LTBP1: variants seen among roughly 807,000 people sequenced by gnomAD.
The protein encoded by LTBP1 is latent transforming growth factor beta binding protein 1.
LTBP1 carries 129 observed loss-of-function variants against 207.6 expected under a neutral mutation model. That is an observed-to-expected ratio of 0.62 (90% CI 0.54 to 0.72). The LOEUF is 0.72. Among genes scored for constraint, LTBP1 ranks in the 30% least tolerant of loss-of-function variants. The pLI, the probability that LTBP1 is intolerant of heterozygous loss-of-function variation, is 0.00. For missense variants in LTBP1, 2,281 were observed against 2,217.2 expected (o/e 1.03, Z -0.58); for synonymous variants, 963 against 833.7 (o/e 1.16, Z -2.67).
At chr2:33,392,329 G>A (rs973844003) in intron 32 of LTBP1, among the ~76,000 whole-genome samples, 1 of 151,970 alleles carries the variant, frequency 6.6e-6, no homozygotes, top group African/African-American at 2.4e-5. Context: ...TGGGATTATA[G>A]GCATGCACCA....
At chr2:32,988,366 G>T (rs949398678) in intron 2 of LTBP1, among the ~76,000 whole-genome samples, 5 of 152,096 alleles carry the variant, frequency 3.3e-5, no homozygotes, top group African/African-American at 7.2e-5. Context: ...TTAAACTCTG[G>T]GGAGTCAGGT....
intron 7 of LTBP1, among the ~76,000 whole-genome samples, chr2:33,197,202 A>T (rs189612042): frequency 1.7e-4 from 26 of 152,360 alleles, no homozygotes; most frequent in African/African-American, 6.0e-4. Context: ...AATTGATCTC[A>T]TAGAACTATA....
intron 3 of LTBP1, among the ~76,000 whole-genome samples, chr2:33,044,106 A>C (rs764333114): frequency 6.6e-6 from 1 of 150,440 alleles, no homozygotes; most frequent in African/African-American, 2.4e-5. Context: ...TTTATGAAAT[A>C]GAGTTGTTAA....
In LTBP1 at chr2:33,015,926, G is replaced by A. The variant is rs72869625; in HGVS notation, c.566-4983G>A. Among the ~76,000 whole-genome samples, 1,348 of 152,190 alleles carry A rather than the reference G, an allele frequency of 8.9e-3. 26 individuals are homozygous for A. Among genetic ancestry groups the A allele is most frequent in the African/African-American group, 0.031 (1,272 of 41,514 alleles). ...CCCACTCACTCACTATTGCAAGAAC[G>A]GCATGGATGGGATGGTGCTAACCCA... is the stretch of plus-strand genomic sequence containing the variant. On this transcript the variant is annotated intron_variant, in intron 2 of 33. Transcript: ENST00000404816.
chr2:33,138,222 A>G (rs1018391693), intron 5 of LTBP1, among the ~76,000 whole-genome samples: 1 of 152,174 alleles, frequency 6.6e-6, no homozygotes, highest in Non-Finnish European at 1.5e-5. Context: ...TCGCATGACT[A>G]TTGAGCATGC....
chr2:33,031,040 T>C (rs1025384167), intron 3 of LTBP1, among the ~76,000 whole-genome samples: 1 of 152,218 alleles, frequency 6.6e-6, no homozygotes, highest in Non-Finnish European at 1.5e-5. Flanking sequence ...TTATCAAATA[T>C]TTAAGAATTC....
rs117653439 is a variant in LTBP1 at position 33,105,921 on chromosome 2, C to T, written c.864-4661C>T. On this transcript the variant is annotated intron_variant, in intron 3 of 33. Transcript: ENST00000404816. Reference sequence around the variant, plus strand: ...TGCAGTGCTGTTTGATAGCATTTTACGCACAATAGAACTGCTTCCAAAATG... The same window carrying T: ...TGCAGTGCTGTTTGATAGCATTTTATGCACAATAGAACTGCTTCCAAAATG... Among the ~76,000 whole-genome samples the T allele has an allele frequency of 1.0e-3, 158 of 152,296 alleles. 3 individuals carry two copies. In the East Asian group the frequency reaches 0.028, roughly 27 times the overall value.
chr2:33,385,194 A>G (rs968412138), intron 31 of LTBP1, among the ~76,000 whole-genome samples: 3 of 152,188 alleles, frequency 2.0e-5, no homozygotes, highest in Non-Finnish European at 2.9e-5. Context: ...GCCTTGTTTG[A>G]GAGGAAGTCT....
chr2:32,982,501 A>G (rs746320995), intron 2 of LTBP1, among the ~76,000 whole-genome samples: 6 of 152,182 alleles, frequency 3.9e-5, no homozygotes, highest in Non-Finnish European at 8.8e-5. Context: ...AAGACAGTTA[A>G]TCACCAAGTT....
chr2:33,335,464 A>G (rs982155655), intron 24 of LTBP1, among the ~76,000 whole-genome samples: 2 of 152,100 alleles, frequency 1.3e-5, no homozygotes, highest in Non-Finnish European at 1.5e-5. Context: ...TATGGGCTAT[A>G]TTCCCCAGCC....
intron 31 of LTBP1, among the ~76,000 whole-genome samples, chr2:33,384,385 G>A (rs1323120726): frequency 6.6e-6 from 1 of 152,110 alleles, no homozygotes; most frequent in Non-Finnish European, 1.5e-5. Context: ...TGGGGCATGG[G>A]GAATGCAGTG....
intron 2 of LTBP1, among the ~76,000 whole-genome samples, chr2:32,953,674 C>T (rs1677569833): frequency 6.6e-6 from 1 of 152,196 alleles, no homozygotes. Flanking sequence ...CGCCCCCTGC[C>T]TGCTCTGCTT....
chr2:32,979,606 C>A (rs1338563847), intron 2 of LTBP1, among the ~76,000 whole-genome samples: 1 of 152,040 alleles, frequency 6.6e-6, no homozygotes, highest in African/African-American at 2.4e-5. Context: ...AGATACGGTT[C>A]ATCCTTGAGA....
chr2:33,295,540 GATA>G lies in LTBP1; in HGVS notation c.3235+2278_3235+2280del, dbSNP rs552076117. On this transcript the variant is annotated intron_variant, in intron 20 of 33. Transcript: ENST00000404816. ...AGACTCAAAATAGAGTCTCAATGATGATAATAATAATAATAATAATAAATATGT... is the reference window on the plus strand; with the variant it reads ...AGACTCAAAATAGAGTCTCAATGATGATAATAATAATAATAATAAATATGT... Among the ~76,000 whole-genome samples the G allele has an allele frequency of 8.9e-4, 134 of 151,352 alleles. 2 individuals are homozygous for G. Among genetic ancestry groups the G allele is most frequent in the South Asian group, 3.6e-3 (17 of 4,760 alleles).
chr2:33,313,896 A>G (rs2094223426), intron 23 of LTBP1, among the ~76,000 whole-genome samples: 1 of 152,192 alleles, frequency 6.6e-6, no homozygotes, highest in South Asian at 2.1e-4. Flanking sequence ...AGGCAGTTGC[A>G]TGTATCAGAA....
intron 3 of LTBP1, among the ~76,000 whole-genome samples, chr2:33,037,445 T>A (rs967623583): frequency 6.6e-6 from 1 of 152,240 alleles, no homozygotes; most frequent in African/African-American, 2.4e-5. Context: ...GTGTTATTTA[T>A]TTTTTAATCT....
chr2:33,083,625 G>A (rs1195529975), intron 3 of LTBP1, among the ~76,000 whole-genome samples: 8 of 152,148 alleles, frequency 5.3e-5, no homozygotes, highest in Non-Finnish European at 1.0e-4. Flanking sequence ...TTAACTTAGA[G>A]AACAATGGTT....
intron 3 of LTBP1, among the ~76,000 whole-genome samples, chr2:33,098,221 T>C (rs1447565822): frequency 6.6e-6 from 1 of 152,210 alleles, no homozygotes; most frequent in East Asian, 1.9e-4. Context: ...TTGTTTCATA[T>C]ATCACAGTCA....
intron 12 of LTBP1, among the ~76,000 whole-genome samples, 169 bp from the exon 13 acceptor site, chr2:33,259,419 T>C (rs113623085): frequency 1.3e-5 from 2 of 152,354 alleles, no homozygotes; most frequent in African/African-American, 4.8e-5. Context: ...CTGTTAGTCA[T>C]GTGTAAAATT....
Sources: allele counts gnomAD v4.1 joint callset (sites outside exome capture counted in the v4.1 genomes callset), GRCh38; gene constraint gnomAD v4.1.1; transcripts MANE v1.5; gene names NCBI Gene and HGNC (gene_info 2026-07-23, HGNC 2026-07-21).